The following TRIM67 variants were observed in gnomAD, a reference collection of about 807,000 sequenced individuals.
TRIM67 encodes the protein tripartite motif containing 67.
TRIM67 carries 39 observed loss-of-function variants against 71.0 expected under a neutral mutation model. That is an observed-to-expected ratio of 0.55 (90% CI 0.43 to 0.72). TRIM67 has a LOEUF of 0.72. Ranked by LOEUF, TRIM67 falls within the 30% of genes least tolerant of loss-of-function variation. The pLI is 0.00. For synonymous variants in TRIM67, 481 were observed against 473.9 expected (o/e 1.01, Z -0.19); for missense variants, 973 against 1,079.2 (o/e 0.90, Z 1.38).
In TRIM67 at chr1:231,218,195, G is replaced by C. The variant is rs1277116806; in HGVS notation, c.*2755G>C. On this transcript the variant is annotated 3_prime_UTR_variant, in exon 10 of 10. Transcript: ENST00000366653. ...CAGGAAGGTCCCGGGTTTCAGAGTA[G>C]AAATGACAGACAGGTCATGGAATTC... The C allele has an allele frequency of 9.8e-7, 1 of 1,020,660 alleles. No individual in the cohort carries two copies. The highest frequency in any genetic ancestry group is 4.0e-5 in the South Asian group (1 of 25,222). The allele number at this position is 1,020,660 out of a possible 1,614,324, so 63.2% of individuals were successfully genotyped here.
intron 5 of TRIM67, among the ~76,000 whole-genome samples, chr1:231,203,063 G>C (rs993901973): frequency 1.7e-4 from 26 of 152,104 alleles, no homozygotes; most frequent in Non-Finnish European, 2.1e-4. Context: ...GAGTCAGTCT[G>C]TGCTCAGCCA....
At chr1:231,165,859 G>T (rs1426581789) in intron 1 of TRIM67, among the ~76,000 whole-genome samples, 1 of 152,206 alleles carries the variant, frequency 6.6e-6, no homozygotes, top group Non-Finnish European at 1.5e-5. Context: ...AGCTTAGAGA[G>T]ACAAAACTAA....
In TRIM67 at chr1:231,216,070, T is replaced by G; in HGVS notation, c.*630T>G. 1.0e-6 allele frequency: 1 copy of G among 985,492 alleles called. No individual in the cohort carries two copies. The highest frequency in any genetic ancestry group is 1.2e-6 in the Non-Finnish European group (1 of 829,958). 61.0% of individuals were successfully genotyped at this position (985,492 alleles called of 1,614,324 possible). A position where few individuals can be genotyped will look rare whatever the true frequency, so the allele number is the denominator to read the frequency against. On this transcript the variant is annotated 3_prime_UTR_variant, in exon 10 of 10. Coordinates refer to ENST00000366653, the MANE Select transcript of TRIM67 (RefSeq NM_001004342.5). ...CTCTCACTGAAGTGTTAGAACCTTT[T>G]AAAATGGCTTCCTTTATTAATCAGC... is the stretch of plus-strand genomic sequence containing the variant.
chr1:231,186,172 T>C (rs1457157710), intron 1 of TRIM67: 1 of 1,533,132 alleles, frequency 6.5e-7, no homozygotes, highest in East Asian at 2.4e-5. Flanking sequence ...TCCCTCTTTG[T>C]TCTGCATGAA....
At chr1:231,193,503 G>GCTCT (rs3049035) in intron 1 of TRIM67, among the ~76,000 whole-genome samples, 7,244 of 81,880 alleles carry the variant, frequency 0.088, 762 homozygotes, top group Middle Eastern at 0.12. Flanking sequence ...TCTCTCTCAA[G>GCTCT]CTCTCTCTCT....
rs553850704 is a variant in TRIM67 at position 231,199,091 on chromosome 1, T to G, written c.1185T>G (p.Asp395Glu). The change falls in exon 3 of 10, where the codon GAT (aspartate) becomes GAG (glutamate). Residue 395 changes from aspartate to glutamate, a missense_variant. Physicochemically the swap from Asp to Glu is conservative, Grantham distance 45. Transcript: ENST00000366653. ...DYEACLVAQCDALVDALTRQK... is the reference protein window; with the variant it reads ...DYEACLVAQCEALVDALTRQK... Reference sequence around the variant, plus strand: ...AAGCCTGCCTCGTTGCTCAGTGTGATGCCCTTGTGGATGCTTTAACTCGTC... The same window carrying G: ...AAGCCTGCCTCGTTGCTCAGTGTGAGGCCCTTGTGGATGCTTTAACTCGTC... 6.2e-7 allele frequency: 1 copy of G among 1,614,042 alleles called. No individual in the cohort carries two copies. The highest frequency in any genetic ancestry group is 8.5e-7 in the Non-Finnish European group (1 of 1,179,888).
intron 1 of TRIM67, chr1:231,187,470 T>C: frequency 1.4e-6 from 2 of 1,433,576 alleles, no homozygotes; most frequent in Non-Finnish European, 1.9e-6. Context: ...CATTTTTAAC[T>C]TATTAGGCAT....
chr1:231,183,410 G>A (rs1433123652), intron 1 of TRIM67, among the ~76,000 whole-genome samples: 1 of 152,018 alleles, frequency 6.6e-6, no homozygotes, highest in African/African-American at 2.4e-5. Flanking sequence ...ACCAACCTGG[G>A]CAACACAGCA....
chr1:231,188,684 C>G (rs912696216), intron 1 of TRIM67, among the ~76,000 whole-genome samples: 2 of 152,214 alleles, frequency 1.3e-5, no homozygotes, highest in Non-Finnish European at 2.9e-5. Context: ...CTTCCCCTCT[C>G]GAGCCCATGC....
chr1:231,206,853 C>T lies in TRIM67; in HGVS notation c.1819+63C>T. On this transcript the variant is annotated intron_variant, in intron 7 of 9. Coordinates refer to ENST00000366653, the MANE Select transcript of TRIM67 (RefSeq NM_001004342.5). The stretch of plus-strand genomic sequence containing the variant: ...ATCATTTTATCCAGTGACAACCAGA[C>T]AGCCACTTGTGGCAGCTATGATGAT... 2.0e-6 allele frequency: 3 copies of T among 1,490,076 alleles called. No individual in the cohort carries two copies. In the South Asian group the frequency reaches 4.0e-5, roughly 20 times the overall value. The allele number at this position is 1,490,076 out of a possible 1,614,324, so 92.3% of individuals were successfully genotyped here.
At position 231,201,526 on chromosome 1, in the gene TRIM67, C is replaced by A; in HGVS notation, c.1534+9C>A. The A allele has an allele frequency of 1.9e-6, 3 of 1,612,658 alleles. No homozygotes were observed. Among genetic ancestry groups the A allele is most frequent in the Non-Finnish European group, 2.5e-6 (3 of 1,179,380 alleles). ...TCAGATGAAATGTAGGGGTGAGCCG[C>A]GGTTGGCCCCAGTTCAGTCAGTGCT... On this transcript the variant is annotated intron_variant, in intron 5 of 9. Coordinates refer to ENST00000366653, the MANE Select transcript of TRIM67 (RefSeq NM_001004342.5).
At chr1:231,190,334 A>T (rs1191194365) in intron 1 of TRIM67, among the ~76,000 whole-genome samples, 1 of 152,154 alleles carries the variant, frequency 6.6e-6, no homozygotes, top group South Asian at 2.1e-4. Context: ...GGAGAGCCCC[A>T]TTCCAGTCCC....
chr1:231,167,998 G>A (rs1682523488), intron 1 of TRIM67, among the ~76,000 whole-genome samples: 1 of 150,874 alleles, frequency 6.6e-6, no homozygotes, highest in African/African-American at 2.4e-5. Context: ...GTCTCTCTCT[G>A]TTGCCCAGAC....
chr1:231,179,871 T>C (rs1346406332), intron 1 of TRIM67, among the ~76,000 whole-genome samples: 5 of 152,182 alleles, frequency 3.3e-5, no homozygotes, highest in South Asian at 4.2e-4. Flanking sequence ...GGAGGGGCAG[T>C]GTGGTGCTGA....
Position 231,167,479 on chromosome 1 carries a change from C to G in TRIM67, c.1044+3466C>G, listed in dbSNP as rs1488057118. ...CTGGGACTACAGGCGCCCGCCACTA[C>G]GCCCGGCTAATTTTTTGTATTTTTA... On this transcript the variant is annotated intron_variant, in intron 1 of 9. Transcript: ENST00000366653. Among the ~76,000 whole-genome samples, 2 of 126,588 alleles carry G rather than the reference C, an allele frequency of 1.6e-5. 1 individual carries two copies. Among genetic ancestry groups the G allele is most frequent in the African/African-American group, 7.5e-5 (2 of 26,828 alleles). The allele number at this position is 126,588 out of a possible 152,430, so 83.0% of individuals were successfully genotyped here.
chr1:231,212,111 AG>A (rs1173935522), intron 8 of TRIM67, among the ~76,000 whole-genome samples: 3 of 152,190 alleles, frequency 2.0e-5, no homozygotes, highest in African/African-American at 4.8e-5. Flanking sequence ...TAGGAAGGGG[AG>A]GGGGACTCAA....
In TRIM67 at chr1:231,218,232, C is replaced by T. The variant is rs749172962; in HGVS notation, c.*2792C>T. 1.8e-5 allele frequency: 18 copies of T among 1,008,372 alleles called. No homozygotes were observed. Among genetic ancestry groups the T allele is most frequent in the Non-Finnish European group, 2.0e-5 (17 of 843,464 alleles). 62.5% of individuals were successfully genotyped at this position (1,008,372 alleles called of 1,614,324 possible). A position where few individuals can be genotyped will look rare whatever the true frequency, so the allele number is the denominator to read the frequency against. On this transcript the variant is annotated 3_prime_UTR_variant, in exon 10 of 10. Transcript: ENST00000366653. Reference sequence around the variant, plus strand: ...AGGTCATGGAATTCTCATCCACCATCGAATTCCATAACACGTTACATCATG... The same window carrying T: ...AGGTCATGGAATTCTCATCCACCATTGAATTCCATAACACGTTACATCATG...
chr1:231,171,389 G>A (rs1366870733), intron 1 of TRIM67, among the ~76,000 whole-genome samples: 1 of 152,068 alleles, frequency 6.6e-6, no homozygotes, highest in East Asian at 1.9e-4. Flanking sequence ...TGCTTTCCTG[G>A]GATTTAAAAT....
rs1467061349 is a variant in TRIM67, at chr1:231,183,625, CA to C, written c.1045-13741del. 4.6e-5 allele frequency among the ~76,000 whole-genome samples: 7 copies of C among 151,868 alleles called. No individual in the cohort carries two copies. The East Asian group carries it at 1.2e-3, about 25-fold the overall frequency. ...TGAGACCCCCATCCCTCCCTCCCAACAAAAAGCAAAAAATATTGCTTTTTTC... is the reference window on the plus strand; with the variant it reads ...TGAGACCCCCATCCCTCCCTCCCAACAAAAGCAAAAAATATTGCTTTTTTC... On this transcript the variant is annotated intron_variant, in intron 1 of 9. Coordinates refer to ENST00000366653, the MANE Select transcript of TRIM67 (RefSeq NM_001004342.5).
Sources: gnomAD v4.1 joint callset for allele counts (sites outside exome capture counted in the v4.1 genomes callset) on GRCh38, gnomAD v4.1.1 for gene constraint, MANE v1.5 for transcripts, NCBI Gene and HGNC (gene_info 2026-07-23, HGNC 2026-07-21) for gene names.